Variants in ST8SIA2 observed in about 807,000 individuals in gnomAD.
The protein encoded by ST8SIA2 is alpha-2,8-sialyltransferase 8B.
In ST8SIA2, 22 loss-of-function variants were observed where a neutral mutation model predicts 37.6. That is an observed-to-expected ratio of 0.58 (90% CI 0.42 to 0.83). The LOEUF (loss-of-function observed/expected upper bound fraction) is 0.83, where lower values mean the gene tolerates loss of function less well. ST8SIA2 is among the 40% of genes least tolerant of loss of function. ST8SIA2 has a pLI of 0.00. For missense variants in ST8SIA2, 382 were observed against 484.7 expected, an observed-to-expected ratio of 0.79 and a Z score of 1.99; for synonymous variants, 205 against 201.2, an observed-to-expected ratio of 1.02 and a Z score of -0.16.
At chr15:92,431,101 G>A (rs2049712263) in intron 2 of ST8SIA2, among the ~76,000 whole-genome samples, 1 of 152,160 alleles carries the variant, frequency 6.6e-6, no homozygotes. Context: ...CCCGTGTTAT[G>A]CCAGGTGAAA....
chr15:92,445,048 C>T (rs1171923774), intron 5 of ST8SIA2, 119 bp downstream of exon 5: 5 of 1,436,076 alleles, frequency 3.5e-6, no homozygotes, highest in East Asian at 4.6e-5. Flanking sequence ...TGCTGGATGG[C>T]CTCAGCAAGT....
intron 1 of ST8SIA2, among the ~76,000 whole-genome samples, chr15:92,423,247 C>T (rs1217229896): frequency 6.6e-6 from 1 of 152,160 alleles, no homozygotes; most frequent in African/African-American, 2.4e-5. Context: ...TTTAACACCA[C>T]CCAACTGTAC....
At chr15:92,421,317 A>G (rs2049632182) in intron 1 of ST8SIA2, 1 of 152,228 alleles carries the variant, frequency 6.6e-6, no homozygotes. Context: ...GATTCCTCCT[A>G]GTGAGGACAA....
At chr15:92,406,523 C>A (rs892024369) in intron 1 of ST8SIA2, among the ~76,000 whole-genome samples, 4 of 152,198 alleles carry the variant, frequency 2.6e-5, no homozygotes, top group African/African-American at 4.8e-5. Context: ...GTAACAAGCC[C>A]CCAGGTGAAG....
At chr15:92,417,195 G>GA (rs1450601571) in intron 1 of ST8SIA2, among the ~76,000 whole-genome samples, 5 of 152,142 alleles carry the variant, frequency 3.3e-5, no homozygotes, top group Admixed American at 6.6e-5. Context: ...AACCCATCAG[G>GA]AACCAGAACT....
At chr15:92,399,044 G>A (rs1382422143) in intron 1 of ST8SIA2, among the ~76,000 whole-genome samples, 2 of 152,142 alleles carry the variant, frequency 1.3e-5, no homozygotes, top group Non-Finnish European at 2.9e-5. Flanking sequence ...CATGCTGGAG[G>A]ACAGAATGGC....
intron 2 of ST8SIA2, among the ~76,000 whole-genome samples, chr15:92,432,564 C>G (rs2049723521): frequency 6.6e-6 from 1 of 152,140 alleles, no homozygotes; most frequent in Non-Finnish European, 1.5e-5. Flanking sequence ...TCCACTGTAC[C>G]CAATGCGTCT....
intron 1 of ST8SIA2, among the ~76,000 whole-genome samples, chr15:92,407,074 A>C (rs894530476): frequency 6.6e-6 from 1 of 152,024 alleles, no homozygotes; most frequent in African/African-American, 2.4e-5. Flanking sequence ...CACTGGTTGG[A>C]TTCCTGAGTG....
At chr15:92,405,696 A>G (rs577616126) in intron 1 of ST8SIA2, among the ~76,000 whole-genome samples, 12 of 152,370 alleles carry the variant, frequency 7.9e-5, no homozygotes, top group South Asian at 4.1e-4. Context: ...AGGTGTGGCT[A>G]TAGACACAGA....
In ST8SIA2 at chr15:92,438,673, A is replaced by C. The variant is rs112804054; in HGVS notation, c.548+63A>C. 10,932 of 1,504,686 alleles carry C rather than the reference A, an allele frequency of 7.3e-3. 53 individuals are homozygous for C. Among genetic ancestry groups the C allele is most frequent in the Middle Eastern group, 0.021 (113 of 5,388 alleles). The allele number at this position is 1,504,686 out of a possible 1,614,324, so 93.2% of individuals were successfully genotyped here. On this transcript the variant is annotated intron_variant, in intron 4 of 5. Transcript: ENST00000268164. Reference sequence around the variant, plus strand: ...CGGGCAGGCTGTGTTTCAGTGGAGCATTGCCAGCTGTCCCAAGAGATTGAA... The same window carrying C: ...CGGGCAGGCTGTGTTTCAGTGGAGCCTTGCCAGCTGTCCCAAGAGATTGAA...
Position 92,439,678 on chromosome 15 carries a change from C to T in ST8SIA2, c.548+1068C>T, listed in dbSNP as rs541667534. Among the ~76,000 whole-genome samples the T allele has an allele frequency of 3.5e-4, 54 of 152,302 alleles. 1 individual carries two copies. In the South Asian group the frequency reaches 0.011, roughly 30 times the overall value. On this transcript the variant is annotated intron_variant, in intron 4 of 5. Coordinates refer to ENST00000268164, the MANE Select transcript of ST8SIA2 (RefSeq NM_006011.4). ...CTCTGGGATTGAAACGCTACCACAG[C>T]CTGGCAGCCAGAGTTTTGTCATCCT...
chr15:92,414,593 G>A (rs1002196898), intron 1 of ST8SIA2, among the ~76,000 whole-genome samples: 1 of 152,252 alleles, frequency 6.6e-6, no homozygotes, highest in African/African-American at 2.4e-5. Context: ...GAACTCATAG[G>A]GTTGGGACAG....
intron 5 of ST8SIA2, among the ~76,000 whole-genome samples, chr15:92,454,978 C>G (rs1451598169): frequency 6.6e-6 from 1 of 151,952 alleles, no homozygotes; most frequent in Admixed American, 6.5e-5. Context: ...TAATTAGGCA[C>G]CAGGAGCCTA....
intron 5 of ST8SIA2, among the ~76,000 whole-genome samples, chr15:92,453,448 G>T (rs386473102): frequency 6.6e-6 from 1 of 152,334 alleles, no homozygotes; most frequent in Non-Finnish European, 1.5e-5. Context: ...GTTTGACATG[G>T]ACAAATGCAA....
At chr15:92,448,937 G>T (rs2049862061) in intron 5 of ST8SIA2, among the ~76,000 whole-genome samples, 2 of 150,860 alleles carry the variant, frequency 1.3e-5, no homozygotes, top group African/African-American at 2.5e-5. Context: ...TATAGGGTAT[G>T]TGGGGGGGGG....
At chr15:92,405,423 G>A (rs189887529) in intron 1 of ST8SIA2, among the ~76,000 whole-genome samples, 37 of 152,364 alleles carry the variant, frequency 2.4e-4, no homozygotes, top group Non-Finnish European at 4.7e-4. Context: ...AGAATAATAT[G>A]AATGTCTTAA....
At chr15:92,455,273 C>T (rs1280995519) in intron 5 of ST8SIA2, among the ~76,000 whole-genome samples, 3 of 151,994 alleles carry the variant, frequency 2.0e-5, no homozygotes, top group African/African-American at 4.8e-5. Context: ...TTTTTGGAAG[C>T]GTGCTCCATG....
chr15:92,438,649 G>T, intron 4 of ST8SIA2, 39 bp downstream of exon 4: 1 of 1,553,592 alleles, frequency 6.4e-7, no homozygotes, highest in Non-Finnish European at 8.7e-7. Flanking sequence ...CCAGAGCGGC[G>T]GGCAGGCTGT....
intron 5 of ST8SIA2, among the ~76,000 whole-genome samples, chr15:92,462,831 G>C (rs1289075458): frequency 6.6e-6 from 1 of 152,206 alleles, no homozygotes; most frequent in Non-Finnish European, 1.5e-5. Context: ...AGGGTAAGTG[G>C]AAGCTTTTAC....
Sources: gnomAD v4.1 joint callset for allele counts (sites outside exome capture counted in the v4.1 genomes callset) on GRCh38, gnomAD v4.1.1 for gene constraint, MANE v1.5 for transcripts, NCBI Gene and HGNC (gene_info 2026-07-23, HGNC 2026-07-21) for gene names.